The following CEP112 variants were observed in gnomAD, a reference collection of about 807,000 sequenced individuals.
The protein encoded by CEP112 is centrosomal protein of 112 kDa.
Under a neutral mutation model 153.0 loss-of-function variants are expected in CEP112, and 127 were observed. That is an observed-to-expected ratio of 0.83 (90% CI 0.72 to 0.96). The LOEUF (loss-of-function observed/expected upper bound fraction) is 0.96, where lower values mean the gene tolerates loss of function less well. Among genes scored for constraint, CEP112 ranks in the 40% least tolerant of loss-of-function variants. The pLI is 0.00. For synonymous variants in CEP112, 358 were observed against 374.4 expected, an observed-to-expected ratio of 0.96 and a Z score of 0.51; for missense variants, 1,089 against 1,101.2, an observed-to-expected ratio of 0.99 and a Z score of 0.16.
chr17:65,661,013 G>C (rs1263691127), intron 24 of CEP112, among the ~76,000 whole-genome samples: 1 of 152,098 alleles, frequency 6.6e-6, no homozygotes, highest in Non-Finnish European at 1.5e-5. Context: ...TTCATCTGTA[G>C]ATTAAAGACA....
At chr17:66,131,953 G>C (rs1199774091) in intron 5 of CEP112, among the ~76,000 whole-genome samples, 1 of 151,718 alleles carries the variant, frequency 6.6e-6, no homozygotes, top group Non-Finnish European at 1.5e-5. Flanking sequence ...TGGATCACTT[G>C]AGGTCAGGAG....
intron 18 of CEP112, among the ~76,000 whole-genome samples, chr17:65,959,828 C>G (rs762424003): frequency 6.6e-6 from 1 of 152,208 alleles, no homozygotes; most frequent in South Asian, 2.1e-4. Context: ...TGCTCACATA[C>G]CCCTTGCTGC....
chr17:65,857,849 C>CT (rs2058176950), intron 20 of CEP112, among the ~76,000 whole-genome samples: 1 of 152,164 alleles, frequency 6.6e-6, no homozygotes, highest in Admixed American at 6.5e-5. Context: ...TTTAGTGGAA[C>CT]TGGCCAGTAG....
intron 6 of CEP112, among the ~76,000 whole-genome samples, chr17:66,122,718 C>T (rs1309328013): frequency 6.6e-6 from 1 of 152,150 alleles, no homozygotes; most frequent in African/African-American, 2.4e-5. Flanking sequence ...CAACAACACC[C>T]TGGGTCATAA....
rs937294176 is a variant in CEP112 at position 65,710,348 on chromosome 17, C to T, written c.2608-21130G>A. 1.6e-4 allele frequency among the ~76,000 whole-genome samples: 25 copies of T among 152,068 alleles called. 1 individual carries two copies. On this transcript the variant is annotated intron_variant, in intron 23 of 26. Coordinates refer to ENST00000535342, the MANE Select transcript of CEP112 (RefSeq NM_001199165.4). The stretch of plus-strand genomic sequence containing the variant: ...AGGCATTTTGTTTATGAATTCTATT[C>T]TTGATTTCATATTATTTTCATATCT...
intron 17 of CEP112, among the ~76,000 whole-genome samples, chr17:65,984,557 C>A (rs1452479078): frequency 2.0e-5 from 3 of 151,846 alleles, no homozygotes; most frequent in African/African-American, 7.3e-5. Flanking sequence ...AAAAAAAGCA[C>A]AAAAGCAGCA....
At chr17:65,898,004 C>T (rs1048357211) in intron 20 of CEP112, among the ~76,000 whole-genome samples, 5 of 152,078 alleles carry the variant, frequency 3.3e-5, no homozygotes, top group African/African-American at 7.2e-5. Flanking sequence ...TCCAGGCAAG[C>T]GCAGAGCTAA....
chr17:65,816,907 C>G (rs1275102046), intron 21 of CEP112, among the ~76,000 whole-genome samples: 1 of 151,890 alleles, frequency 6.6e-6, no homozygotes, highest in Non-Finnish European at 1.5e-5. Context: ...GTGAAGTCAC[C>G]TGGTATAAAA....
chr17:65,759,363 G>A (rs536040165), intron 21 of CEP112, among the ~76,000 whole-genome samples: 2 of 152,066 alleles, frequency 1.3e-5, no homozygotes, highest in South Asian at 4.2e-4. Context: ...TTTCTTGCGC[G>A]AGATCCAAGA....
At chr17:66,127,368 T>G (rs2069895423) in intron 6 of CEP112, among the ~76,000 whole-genome samples, 1 of 152,214 alleles carries the variant, frequency 6.6e-6, no homozygotes, top group Non-Finnish European at 1.5e-5. Flanking sequence ...TTTGTCTTTC[T>G]GAAGGATTTC....
At chr17:66,001,280 C>T (rs2064036657) in intron 17 of CEP112, among the ~76,000 whole-genome samples, 1 of 152,138 alleles carries the variant, frequency 6.6e-6, no homozygotes, top group African/African-American at 2.4e-5. Flanking sequence ...TATTCATGTC[C>T]TTTGCCCACT....
At chr17:66,067,275 G>A (rs1198400824) in intron 9 of CEP112, among the ~76,000 whole-genome samples, 4 of 152,088 alleles carry the variant, frequency 2.6e-5, no homozygotes, top group South Asian at 2.1e-4. Context: ...GAATATTGCC[G>A]CAAATTGGCA....
intron 19 of CEP112, among the ~76,000 whole-genome samples, chr17:65,909,331 T>A (rs1364626163): frequency 6.6e-6 from 1 of 152,178 alleles, no homozygotes; most frequent in African/African-American, 2.4e-5. Context: ...TTCTCCATAT[T>A]CTCTGGCTAG....
At chr17:65,672,080 G>A (rs2047014081) in intron 24 of CEP112, among the ~76,000 whole-genome samples, 1 of 152,172 alleles carries the variant, frequency 6.6e-6, no homozygotes, top group Non-Finnish European at 1.5e-5. Flanking sequence ...TAGAAGTAAT[G>A]TTGGTAAGAG....
At chr17:65,951,477 C>A (rs1372416931) in intron 18 of CEP112, among the ~76,000 whole-genome samples, 3 of 151,822 alleles carry the variant, frequency 2.0e-5, no homozygotes, top group African/African-American at 7.3e-5. Flanking sequence ...GAAATTTGTC[C>A]ATTTATCTAT....
chr17:65,669,771 A>C (rs930223524), intron 24 of CEP112, among the ~76,000 whole-genome samples: 12 of 152,170 alleles, frequency 7.9e-5, no homozygotes, highest in South Asian at 2.1e-4. Context: ...GGCATGGTGG[A>C]GGGCACCTGT....
intron 17 of CEP112, among the ~76,000 whole-genome samples, chr17:65,966,500 C>A (rs1353987835): frequency 6.6e-6 from 1 of 152,168 alleles, no homozygotes; most frequent in East Asian, 1.9e-4. Context: ...CTTGGCATCT[C>A]CCCTGGAAAC....
intron 23 of CEP112, among the ~76,000 whole-genome samples, chr17:65,698,266 A>G (rs1219955404): frequency 6.6e-6 from 1 of 152,208 alleles, no homozygotes; most frequent in Non-Finnish European, 1.5e-5. Flanking sequence ...AGCTATTGCT[A>G]TAGTACTTAT....
intron 3 of CEP112, among the ~76,000 whole-genome samples, chr17:66,176,224 T>C (rs2146871667): frequency 6.6e-6 from 1 of 152,322 alleles, no homozygotes; most frequent in East Asian, 1.9e-4. Context: ...CAATACCTAG[T>C]ACTCCAGATT....
Sources: allele counts gnomAD v4.1 joint callset (sites outside exome capture counted in the v4.1 genomes callset), GRCh38; gene constraint gnomAD v4.1.1; transcripts MANE v1.5; gene names NCBI Gene and HGNC (gene_info 2026-07-23, HGNC 2026-07-21).